Variants in CPNE5 observed in about 807,000 individuals in gnomAD.
CPNE5 encodes the protein copine-5.
A neutral mutation model predicts 81.1 loss-of-function variants in CPNE5; 42 were observed. That is an observed-to-expected ratio of 0.52 (90% CI 0.40 to 0.67). The LOEUF (loss-of-function observed/expected upper bound fraction) is 0.67. Ranked by LOEUF, CPNE5 falls within the 30% of genes least tolerant of loss-of-function variation. The pLI is 0.00. For missense variants in CPNE5, 612 were observed against 815.5 expected (o/e 0.75, Z 3.04); for synonymous variants, 313 against 321.5 (o/e 0.97, Z 0.28).
intron 13 of CPNE5, among the ~76,000 whole-genome samples, chr6:36,753,296 G>T (rs1207942192): frequency 6.6e-6 from 1 of 152,222 alleles, no homozygotes; most frequent in Non-Finnish European, 1.5e-5. Context: ...AAGAGGTGGT[G>T]CAATGTGCCC....
chr6:36,825,369 C>A (rs973061442), intron 1 of CPNE5, among the ~76,000 whole-genome samples: 1 of 152,092 alleles, frequency 6.6e-6, no homozygotes, highest in Non-Finnish European at 1.5e-5. Context: ...GAGAGGAATT[C>A]CCAAATGGCT....
chr6:36,789,799 G>A (rs1768925749), intron 8 of CPNE5, among the ~76,000 whole-genome samples: 1 of 152,176 alleles, frequency 6.6e-6, no homozygotes, highest in African/African-American at 2.4e-5. Context: ...TGGGTCCTCG[G>A]GAATGCCTAC....
intron 3 of CPNE5, among the ~76,000 whole-genome samples, chr6:36,818,826 C>A (rs1167260936): frequency 6.6e-6 from 1 of 152,182 alleles, no homozygotes; most frequent in African/African-American, 2.4e-5. Context: ...CAAATGAAGA[C>A]AACTCTCAAT....
At chr6:36,779,836 C>T (rs140352582) in intron 8 of CPNE5, among the ~76,000 whole-genome samples, 152 of 152,338 alleles carry the variant, frequency 1.0e-3, no homozygotes, top group African/African-American at 3.3e-3. Context: ...CCCGTGTGGC[C>T]TCTGCAATTT....
At chr6:36,826,263 C>T (rs1772495420) in intron 1 of CPNE5, among the ~76,000 whole-genome samples, 1 of 152,188 alleles carries the variant, frequency 6.6e-6, no homozygotes, top group Non-Finnish European at 1.5e-5. Flanking sequence ...TAGAGGCACA[C>T]AGCTAGACTA....
rs893794105 is a variant in CPNE5 at position 36,745,136 on chromosome 6, A to T, written c.1343T>A (p.Val448Glu). The change falls in exon 18 of 21, where the codon GTG (valine) becomes GAG (glutamate). Residue 448 changes from valine to glutamate, a missense_variant. Transcript: ENST00000244751. ...VTHVARNAAA[V>E]QDGSQYSVLL... is the part of the protein sequence containing the mutation. ...CACCGAGTACTGGGAGCCATCCTGC[A>T]CGGCCGCTGCATTCCTGGGTGGGGC... 1 of 1,613,544 alleles carries T rather than the reference A, an allele frequency of 6.2e-7. No individual in the cohort carries two copies. Among genetic ancestry groups the T allele is most frequent in the Non-Finnish European group, 8.5e-7 (1 of 1,179,720 alleles).
chr6:36,765,482 C>CTA, intron 10 of CPNE5, 106 bp from the exon 11 acceptor site: 1 of 1,366,304 alleles, frequency 7.3e-7, no homozygotes, highest in Non-Finnish European at 1.0e-6. Context: ...CCAGGACTCC[C>CTA]TCTGGGCCCC....
At chr6:36,820,992 T>A (rs1370319237) in intron 3 of CPNE5, among the ~76,000 whole-genome samples, 1 of 149,722 alleles carries the variant, frequency 6.7e-6, no homozygotes, top group Non-Finnish European at 1.5e-5. Context: ...TGAGAAAAAG[T>A]GATACAGAGA....
chr6:36,811,534 G>C (rs974676021), intron 3 of CPNE5, among the ~76,000 whole-genome samples: 1 of 152,164 alleles, frequency 6.6e-6, no homozygotes, highest in African/African-American at 2.4e-5. Flanking sequence ...TGACTTTGGA[G>C]TGCACACTTT....
chr6:36,775,838 G>A (rs1480962806), intron 9 of CPNE5, among the ~76,000 whole-genome samples: 1 of 151,854 alleles, frequency 6.6e-6, no homozygotes, highest in Non-Finnish European at 1.5e-5. Context: ...TTTGATCACT[G>A]GCACATCCCT....
At chr6:36,761,883 C>A (rs1766058059) in intron 12 of CPNE5, among the ~76,000 whole-genome samples, 1 of 152,066 alleles carries the variant, frequency 6.6e-6, no homozygotes, top group African/African-American at 2.4e-5. Flanking sequence ...AGCACGGGGA[C>A]AAGAGTGGCT....
intron 13 of CPNE5, among the ~76,000 whole-genome samples, chr6:36,754,057 C>T (rs1765127024): frequency 6.6e-6 from 1 of 151,608 alleles, no homozygotes; most frequent in Non-Finnish European, 1.5e-5. Flanking sequence ...CCACAGGCCT[C>T]CTTCCAAGTG....
intron 3 of CPNE5, among the ~76,000 whole-genome samples, chr6:36,814,314 C>G (rs952387889): frequency 2.0e-5 from 3 of 152,148 alleles, no homozygotes; most frequent in Non-Finnish European, 4.4e-5. Context: ...GAGGCATAAC[C>G]AAGATGCTGA....
rs1293267168 is a variant in CPNE5 at position 36,786,590 on chromosome 6, G to A, written c.528+5443C>T. Reference sequence around the variant, plus strand: ...TCAACTGATGTTCAAAAGAAAAACAGGACGATTTGGATATGAGGATGTTCA... The same window carrying A: ...TCAACTGATGTTCAAAAGAAAAACAAGACGATTTGGATATGAGGATGTTCA... On this transcript the variant is annotated intron_variant, in intron 8 of 20. Coordinates refer to ENST00000244751, the MANE Select transcript of CPNE5 (RefSeq NM_020939.2). Among the ~76,000 whole-genome samples the A allele has an allele frequency of 2.0e-5, 3 of 152,242 alleles. No homozygotes were observed. The East Asian group carries it at 5.8e-4, about 29-fold the overall frequency.
rs1773833144 is a variant in CPNE5 at position 36,839,372 on chromosome 6, C to A, written c.6G>T (p.Glu2Asp). 1.3e-6 allele frequency: 2 copies of A among 1,546,606 alleles called. No homozygotes were observed. The highest frequency in any genetic ancestry group is 2.7e-5 in the African/African-American group (2 of 72,850). The change falls in exon 1 of 21, where the codon GAG becomes GAT. Residue 2 changes from glutamate to aspartate, a missense_variant. Coordinates refer to ENST00000244751, the MANE Select transcript of CPNE5 (RefSeq NM_020939.2). The surrounding 1 kb of genome is among the most constrained non-coding windows in gnomAD (Gnocchi z 7.3). Reference sequence around the variant, plus strand: ...TCAGCGACGCCATGTCCTCAGGCTGCTCCATCGCCCACCGCACCCCCCACC... The same window carrying A: ...TCAGCGACGCCATGTCCTCAGGCTGATCCATCGCCCACCGCACCCCCCACC... M[E>D]QPEDMASLSE... is the part of the protein sequence containing the mutation.
intron 3 of CPNE5, among the ~76,000 whole-genome samples, chr6:36,803,554 T>G (rs1266622824): frequency 6.6e-6 from 1 of 152,212 alleles, no homozygotes; most frequent in African/African-American, 2.4e-5. Context: ...ATTGAACACA[T>G]GCAATGCACC....
chr6:36,805,948 C>G (rs1274287199), intron 3 of CPNE5, among the ~76,000 whole-genome samples: 3 of 152,226 alleles, frequency 2.0e-5, no homozygotes, highest in Non-Finnish European at 4.4e-5. Context: ...CTCTCTGGGA[C>G]TCTGCTACAC....
At chr6:36,829,155 C>G (rs1316940953) in intron 1 of CPNE5, among the ~76,000 whole-genome samples, 1 of 152,164 alleles carries the variant, frequency 6.6e-6, no homozygotes, top group South Asian at 2.1e-4. Flanking sequence ...GGTTGCATAG[C>G]CTTCCTTGAG....
rs551004436 is a variant in CPNE5 at position 36,777,931 on chromosome 6, A to G, written c.632+923T>C. Among the ~76,000 whole-genome samples, 24 of 151,106 alleles carry G rather than the reference A, an allele frequency of 1.6e-4. No individual in the cohort carries two copies. The South Asian group carries it at 1.7e-3, about 11-fold the overall frequency. On this transcript the variant is annotated intron_variant, in intron 9 of 20. Coordinates refer to ENST00000244751, the MANE Select transcript of CPNE5 (RefSeq NM_020939.2). ...TCCCCCACCCCCATGGCAGGGACCCATTTTCTTCCTCTCCTTTAAAACCCG... is the reference window on the plus strand; with the variant it reads ...TCCCCCACCCCCATGGCAGGGACCCGTTTTCTTCCTCTCCTTTAAAACCCG...
Sources: gnomAD v4.1 joint callset for allele counts (sites outside exome capture counted in the v4.1 genomes callset) on GRCh38, gnomAD v4.1.1 for gene constraint, Gnocchi (gnomAD v3.1) non-coding constraint, MANE v1.5 for transcripts, NCBI Gene and HGNC (gene_info 2026-07-23, HGNC 2026-07-21) for gene names.